SLC2A9: variants seen among roughly 807,000 people sequenced by gnomAD.
SLC2A9 encodes solute carrier family 2, facilitated glucose transporter member 9.
Under a neutral mutation model 50.6 loss-of-function variants are expected in SLC2A9, and 39 were observed. That is an observed-to-expected ratio of 0.77 (90% CI 0.60 to 1.01). SLC2A9 has a LOEUF of 1.01. Among genes scored for constraint, SLC2A9 ranks in the 50% least tolerant of loss-of-function variants. The pLI is 0.00. For missense variants in SLC2A9, 686 were observed against 677.6 expected (o/e 1.01, Z -0.14); for synonymous variants, 324 against 276.9 (o/e 1.17, Z -1.69).
rs139859931 is a variant in SLC2A9, at chr4:9,897,300, C to A, written c.1114-6589G>T. ...GCCTGAGGTCACTGAGAGCCTCCAACAGCACTGGCACTGGGGCACAGAGAA... is the reference window on the plus strand; with the variant it reads ...GCCTGAGGTCACTGAGAGCCTCCAAAAGCACTGGCACTGGGGCACAGAGAA... On this transcript the variant is annotated intron_variant, in intron 8 of 11. Coordinates refer to ENST00000264784, the MANE Select transcript of SLC2A9 (RefSeq NM_020041.3). 4.1e-3 allele frequency among the ~76,000 whole-genome samples: 630 copies of A among 152,292 alleles called. 3 individuals are homozygous for A. Among genetic ancestry groups the A allele is most frequent in the African/African-American group, 0.014 (592 of 41,560 alleles).
intron 7 of SLC2A9, among the ~76,000 whole-genome samples, chr4:9,910,705 C>G (rs1741578278): frequency 6.6e-6 from 1 of 152,206 alleles, no homozygotes; most frequent in South Asian, 2.1e-4. Context: ...CCTTCTGGCT[C>G]CTCTCACCCC....
At chr4:9,919,730 T>C (rs1007099293) in intron 7 of SLC2A9, among the ~76,000 whole-genome samples, 1 of 152,184 alleles carries the variant, frequency 6.6e-6, no homozygotes, top group African/African-American at 2.4e-5. Flanking sequence ...CACACTTCCA[T>C]AGATGGGGAG....
intron 3 of SLC2A9, among the ~76,000 whole-genome samples, chr4:9,807,155 A>G (rs1292042689): frequency 6.6e-6 from 1 of 152,124 alleles, no homozygotes; most frequent in Non-Finnish European, 1.5e-5. Flanking sequence ...AGGGGCTGAC[A>G]CTTCCACAAG....
At chr4:9,799,946 G>A (rs1248704088) in intron 3 of SLC2A9, among the ~76,000 whole-genome samples, 10 of 152,162 alleles carry the variant, frequency 6.6e-5, no homozygotes, top group Admixed American at 5.2e-4. Context: ...CTTCAAGGGC[G>A]GATGATGTGC....
intron 6 of SLC2A9, among the ~76,000 whole-genome samples, chr4:9,935,742 T>C (rs943369352): frequency 9.9e-5 from 15 of 152,208 alleles, no homozygotes; most frequent in African/African-American, 3.1e-4. Flanking sequence ...CCTGAACATA[T>C]GCTCCCAGCA....
exon 4 of SLC2A9, chr4:9,799,200 C>T (rs1720985779): frequency 6.6e-6 from 1 of 152,186 alleles, no homozygotes; most frequent in Admixed American, 6.5e-5. Flanking sequence ...TTGAGACTCA[C>T]CCGATGGTCT....
intron 8 of SLC2A9, among the ~76,000 whole-genome samples, chr4:9,905,246 T>G (rs1281468187): frequency 6.6e-6 from 1 of 152,208 alleles, no homozygotes; most frequent in Non-Finnish European, 1.5e-5. Context: ...ACACAGAGAT[T>G]CCTGCACCTC....
intron 6 of SLC2A9, 102 bp downstream of exon 6, chr4:9,941,811 G>GAC: frequency 6.5e-7 from 1 of 1,532,334 alleles, no homozygotes; most frequent in Non-Finnish European, 8.9e-7. Flanking sequence ...AAGGAACAAT[G>GAC]ACAACACCCC....
At position 10,018,955 on chromosome 4, in the gene SLC2A9, G is replaced by A. The variant is rs1255301796; in HGVS notation, c.249+20C>T. The A allele has an allele frequency of 6.5e-7, 1 of 1,548,062 alleles. No individual in the cohort carries two copies. The highest frequency in any genetic ancestry group is 2.0e-5 in the Admixed American group (1 of 50,994). ...CCGCAGGGCCGCAGCGCCCTCTGCC[G>A]GGCCTTGGCGCGCACTCACCGGGGT... On this transcript the variant is annotated intron_variant, in intron 2 of 11. Transcript: ENST00000264784.
At chr4:9,782,869 C>G (rs746250000) in intron 3 of SLC2A9, 2 of 1,613,574 alleles carry the variant, frequency 1.2e-6, no homozygotes, top group Non-Finnish European at 1.7e-6. Flanking sequence ...CCTGCGCGCC[C>G]GACACCAGCC....
intron 2 of SLC2A9, among the ~76,000 whole-genome samples, chr4:10,015,894 G>A (rs1762530105): frequency 6.6e-6 from 1 of 152,234 alleles, no homozygotes; most frequent in Non-Finnish European, 1.5e-5. Context: ...CATTTTGGCA[G>A]AGTTGATGAG....
At chr4:9,856,562 C>T (rs960730951) in intron 10 of SLC2A9, among the ~76,000 whole-genome samples, 13 of 152,122 alleles carry the variant, frequency 8.5e-5, no homozygotes, top group Non-Finnish European at 1.3e-4. Flanking sequence ...GGCAATTTCT[C>T]GAAGAACTTA....
At chr4:10,012,272 T>A (rs1205337632) in intron 2 of SLC2A9, among the ~76,000 whole-genome samples, 1 of 152,210 alleles carries the variant, frequency 6.6e-6, no homozygotes, top group Non-Finnish European at 1.5e-5. Flanking sequence ...CAAGTCCCCA[T>A]CTGTGAACAT....
chr4:10,030,794 G>A (rs1417512979), intron 1 of SLC2A9, among the ~76,000 whole-genome samples: 3 of 151,912 alleles, frequency 2.0e-5, no homozygotes, highest in Non-Finnish European at 4.4e-5. Context: ...TCTTCTTATC[G>A]AGCCCCTCTT....
chr4:9,955,749 C>T (rs1016886929), intron 5 of SLC2A9, among the ~76,000 whole-genome samples: 3 of 151,946 alleles, frequency 2.0e-5, no homozygotes, highest in Admixed American at 2.0e-4. Context: ...TTTGCTGCCG[C>T]GGACACCTCT....
downstream of SLC2A9, among the ~76,000 whole-genome samples, chr4:9,779,240 C>T (rs1311010148): frequency 6.6e-6 from 1 of 152,070 alleles, no homozygotes; most frequent in Non-Finnish European, 1.5e-5. Flanking sequence ...AACTGTGATT[C>T]AACCCAAAGA....
At chr4:9,972,715 T>G (rs1277281680) in intron 5 of SLC2A9, among the ~76,000 whole-genome samples, 1 of 152,134 alleles carries the variant, frequency 6.6e-6, no homozygotes, top group Non-Finnish European at 1.5e-5. Flanking sequence ...AACAATGAAA[T>G]TAAGGCAGAG....
At chr4:9,954,723 G>A (rs529144616) in intron 5 of SLC2A9, among the ~76,000 whole-genome samples, 364 of 152,274 alleles carry the variant, frequency 2.4e-3, no homozygotes, top group African/African-American at 8.4e-3. Flanking sequence ...GACCCCTGAT[G>A]AGTAAAAGAG....
chr4:9,947,545 T>A (rs1749416789), intron 5 of SLC2A9, among the ~76,000 whole-genome samples: 1 of 152,206 alleles, frequency 6.6e-6, no homozygotes. Flanking sequence ...CTTTCTGATT[T>A]CAGAGAGACC....
Sources: gnomAD v4.1 joint callset for allele counts (sites outside exome capture counted in the v4.1 genomes callset) on GRCh38, gnomAD v4.1.1 for gene constraint, MANE v1.5 for transcripts, NCBI Gene and HGNC (gene_info 2026-07-23, HGNC 2026-07-21) for gene names.